Variants in SOX5 observed in about 807,000 individuals in gnomAD.
SOX5 encodes the protein transcription factor SOX-5.
A neutral mutation model predicts 92.0 loss-of-function variants in SOX5; 9 were observed. The observed-to-expected ratio is 0.10, with a 90% CI of 0.06 to 0.17. SOX5 has a LOEUF of 0.17. SOX5 is among the 10% of genes least tolerant of loss of function. SOX5 has a pLI of 1.00. For missense variants in SOX5, 642 were observed against 944.5 expected, an observed-to-expected ratio of 0.68 and a Z score of 4.20; for synonymous variants, 344 against 336.3, an observed-to-expected ratio of 1.02 and a Z score of -0.25.
chr12:23,639,296 T>C (rs1312227640), intron 8 of SOX5, among the ~76,000 whole-genome samples: 1 of 152,202 alleles, frequency 6.6e-6, no homozygotes, highest in Admixed American at 6.5e-5. Context: ...TTGATTAGAT[T>C]GTTGCTTAAC....
Position 24,381,916 on chromosome 12 carries a change from A to G in SOX5, c.-250-13277T>C, listed in dbSNP as rs79278017. 1.5e-3 allele frequency among the ~76,000 whole-genome samples: 223 copies of G among 152,342 alleles called. 3 individuals are homozygous for G. The South Asian group carries it at 0.031, about 21-fold the overall frequency. ...CTTCCTACATGGAATTCAAAAAGAA[A>G]ACAATGTACATTATTTATGACTTCT... On this transcript the variant is annotated intron_variant, in intron 1 of 4. Coordinates refer to the SOX5 transcript ENST00000446891.
intron 4 of SOX5, among the ~76,000 whole-genome samples, chr12:24,079,850 C>T (rs1592962150): frequency 6.6e-6 from 1 of 151,746 alleles, no homozygotes; most frequent in South Asian, 2.1e-4. Context: ...AGTCGAGAGC[C>T]GATCTGTATT....
chr12:24,135,657 C>T (rs1188676641), intron 4 of SOX5, among the ~76,000 whole-genome samples: 1 of 152,090 alleles, frequency 6.6e-6, no homozygotes, highest in Admixed American at 6.6e-5. Context: ...CAGATGTAAA[C>T]AAAGCACTCT....
intron 8 of SOX5, among the ~76,000 whole-genome samples, chr12:23,639,018 C>T (rs1479440182): frequency 1.3e-5 from 2 of 151,854 alleles, no homozygotes; most frequent in African/African-American, 4.8e-5. Flanking sequence ...GGCTCTAAAA[C>T]TCATGCATTT....
chr12:23,831,312 T>G (rs2096314312), intron 3 of SOX5, among the ~76,000 whole-genome samples: 1 of 152,106 alleles, frequency 6.6e-6, no homozygotes, highest in Non-Finnish European at 1.5e-5. Context: ...ACAATGGATA[T>G]GTTACTGTTT....
chr12:24,364,018 A>G (rs1955883330), intron 2 of SOX5, among the ~76,000 whole-genome samples: 1 of 152,174 alleles, frequency 6.6e-6, no homozygotes, highest in Non-Finnish European at 1.5e-5. Context: ...CATTTTTAGA[A>G]AACCTGAGAA....
intron 2 of SOX5, among the ~76,000 whole-genome samples, chr12:23,879,718 T>C (rs992036498): frequency 1.3e-5 from 2 of 152,122 alleles, no homozygotes; most frequent in African/African-American, 4.8e-5. Flanking sequence ...ATGGAAAAAA[T>C]ACATTGCACT....
intron 4 of SOX5, among the ~76,000 whole-genome samples, chr12:24,182,744 C>T (rs1306679277): frequency 2.0e-5 from 3 of 152,126 alleles, no homozygotes; most frequent in African/African-American, 2.4e-5. Flanking sequence ...GACAGAATCT[C>T]GCTCTGTCAC....
chr12:24,411,319 T>C (rs1964035532), intron 1 of SOX5, among the ~76,000 whole-genome samples: 1 of 152,154 alleles, frequency 6.6e-6, no homozygotes, highest in East Asian at 1.9e-4. Flanking sequence ...ATTTTTTGCC[T>C]TTTTGCACTG....
At chr12:23,754,666 ACATTT>A (rs1457423495) in intron 4 of SOX5, among the ~76,000 whole-genome samples, 1 of 151,820 alleles carries the variant, frequency 6.6e-6, no homozygotes, top group Non-Finnish European at 1.5e-5. Context: ...TGTAGGCCAA[ACATTT>A]AAGACTGATG....
chr12:24,478,997 C>T (rs1330371536), intron 1 of SOX5, among the ~76,000 whole-genome samples: 1 of 152,212 alleles, frequency 6.6e-6, no homozygotes, highest in African/African-American at 2.4e-5. Context: ...ACTCTTCGAG[C>T]TCCATTTCTC....
At chr12:24,193,884 CACTT>C (rs1215062888) in intron 4 of SOX5, among the ~76,000 whole-genome samples, 2 of 152,082 alleles carry the variant, frequency 1.3e-5, no homozygotes, top group African/African-American at 4.8e-5. Flanking sequence ...CACTAACAGT[CACTT>C]ACAATTTCAG....
At chr12:24,351,293 C>T (rs1056297832) in intron 2 of SOX5, among the ~76,000 whole-genome samples, 1 of 152,136 alleles carries the variant, frequency 6.6e-6, no homozygotes, top group Non-Finnish European at 1.5e-5. Context: ...ATCTGTACCC[C>T]CATCTCTGTC....
chr12:23,584,086 T>A (rs931068398), intron 9 of SOX5, among the ~76,000 whole-genome samples: 1 of 152,042 alleles, frequency 6.6e-6, no homozygotes, highest in Non-Finnish European at 1.5e-5. Context: ...CACATCAGCA[T>A]CTCTACTGGA....
At chr12:24,100,919 C>T (rs1000860740) in intron 4 of SOX5, among the ~76,000 whole-genome samples, 20 of 152,022 alleles carry the variant, frequency 1.3e-4, no homozygotes, top group Non-Finnish European at 1.3e-4. Context: ...GTCGGTTTTA[C>T]CCTCATAATA....
intron 9 of SOX5, among the ~76,000 whole-genome samples, chr12:23,588,684 T>A (rs999163537): frequency 1.3e-5 from 2 of 151,140 alleles, no homozygotes; most frequent in African/African-American, 2.4e-5. Context: ...CCAGATAAAA[T>A]TGATCTGTAT....
intron 6 of SOX5, among the ~76,000 whole-genome samples, chr12:23,670,799 A>C (rs1444567462): frequency 1.9e-5 from 1 of 51,856 alleles, no homozygotes; most frequent in Non-Finnish European, 3.7e-5. Flanking sequence ...GAAATGAAAG[A>C]GCAAGCAAAA....
At chr12:24,022,623 C>A (rs907936335) in intron 4 of SOX5, among the ~76,000 whole-genome samples, 2 of 152,074 alleles carry the variant, frequency 1.3e-5, no homozygotes, top group African/African-American at 4.8e-5. Context: ...ATGTTTTCCA[C>A]ACTAGAGTGG....
rs765343664 is a variant in SOX5, at chr12:24,427,261, A to G, written c.-250-58622T>C. Among the ~76,000 whole-genome samples, 180 of 152,328 alleles carry G rather than the reference A, an allele frequency of 1.2e-3. 2 individuals are homozygous for G. Among genetic ancestry groups the G allele is most frequent in the Non-Finnish European group, 4.3e-4 (29 of 68,022 alleles). On this transcript the variant is annotated intron_variant, in intron 1 of 4. Coordinates refer to the SOX5 transcript ENST00000446891. Reference sequence around the variant, plus strand: ...TCTATATAAGAAACAGTTCTTTGAAAGATGTCTTATTCCCCCTACAGCACC... The same window carrying G: ...TCTATATAAGAAACAGTTCTTTGAAGGATGTCTTATTCCCCCTACAGCACC...
Sources: gnomAD v4.1 joint callset for allele counts (sites outside exome capture counted in the v4.1 genomes callset) on GRCh38, gnomAD v4.1.1 for gene constraint, MANE v1.5 for transcripts, NCBI Gene and HGNC (gene_info 2026-07-23, HGNC 2026-07-21) for gene names.